Variants in DNM3 observed in about 807,000 individuals in gnomAD.
DNM3 encodes dynamin-3.
In DNM3, 47 loss-of-function variants were observed where a neutral mutation model predicts 101.6. The observed-to-expected ratio is 0.46, with a 90% CI of 0.37 to 0.59. The LOEUF is 0.59. DNM3 is among the 20% of genes least tolerant of loss of function. The pLI is 0.00. For synonymous variants in DNM3, 385 were observed against 387.9 expected (o/e 0.99, Z 0.09); for missense variants, 849 against 1,085.7 (o/e 0.78, Z 3.06).
At chr1:172,007,236 T>G (rs1337114138) in intron 4 of DNM3, among the ~76,000 whole-genome samples, 2 of 152,098 alleles carry the variant, frequency 1.3e-5, no homozygotes, top group Non-Finnish European at 2.9e-5. Context: ...TCCAAAATGG[T>G]TGTACAATTT....
Position 172,006,738 on chromosome 1 carries a change from A to G in DNM3, c.589+17590A>G, listed in dbSNP as rs116220312. Among the ~76,000 whole-genome samples the G allele has an allele frequency of 6.1e-3, 930 of 152,106 alleles. 18 individuals carry two copies. Among genetic ancestry groups the G allele is most frequent in the African/African-American group, 0.021 (880 of 41,532 alleles). ...TGTAAAGTTTGATGAGCTTTGACAA[A>G]TGTCAACCCATGTACCAGAACATTT... On this transcript the variant is annotated intron_variant, in intron 4 of 20. Coordinates refer to ENST00000627582, the MANE Select transcript of DNM3 (RefSeq NM_015569.5).
chr1:171,957,584 A>T (rs1294577402), intron 2 of DNM3, among the ~76,000 whole-genome samples: 2 of 152,162 alleles, frequency 1.3e-5, no homozygotes, highest in Non-Finnish European at 2.9e-5. Context: ...GAATGCTTTT[A>T]ATAGCACCCA....
intron 12 of DNM3, among the ~76,000 whole-genome samples, chr1:172,088,864 G>A (rs2053714346): frequency 1.3e-5 from 2 of 152,198 alleles, no homozygotes; most frequent in Non-Finnish European, 2.9e-5. Context: ...GTGCAAAAAA[G>A]TTTTGAGCCA....
At chr1:172,055,930 C>G (rs987731650) in intron 10 of DNM3, among the ~76,000 whole-genome samples, 26 of 152,120 alleles carry the variant, frequency 1.7e-4, no homozygotes, top group African/African-American at 6.3e-4. Context: ...ATCTGAGGTA[C>G]CGGGTTCATC....
intron 2 of DNM3, among the ~76,000 whole-genome samples, chr1:171,927,851 C>A (rs1026588287): frequency 2.0e-5 from 3 of 152,180 alleles, no homozygotes; most frequent in East Asian, 1.9e-4. Flanking sequence ...TTTCAACCAG[C>A]CTAGCCTGGT....
At chr1:172,192,996 G>A (rs965782103) in intron 14 of DNM3, among the ~76,000 whole-genome samples, 2 of 151,390 alleles carry the variant, frequency 1.3e-5, no homozygotes, top group Non-Finnish European at 2.9e-5. Flanking sequence ...CCCACCAACA[G>A]TGTAAAAGTG....
At chr1:171,901,112 C>CAAAAAAAAAAAAAAAAA (rs1243053508) in intron 1 of DNM3, among the ~76,000 whole-genome samples, 1 of 66,742 alleles carries the variant, frequency 1.5e-5, no homozygotes, top group African/African-American at 6.3e-5. Flanking sequence ...GACTCTGTCT[C>CAAAAAAAAAAAAAAAAA]AAAAAAAAAA....
chr1:171,878,065 C>A (rs576701555), intron 1 of DNM3, among the ~76,000 whole-genome samples: 1 of 152,076 alleles, frequency 6.6e-6, no homozygotes, highest in Admixed American at 6.5e-5. Context: ...AAAAGTGATT[C>A]TGAGATAATT....
At chr1:172,151,734 A>G (rs1157709896) in intron 14 of DNM3, among the ~76,000 whole-genome samples, 2 of 152,140 alleles carry the variant, frequency 1.3e-5, no homozygotes, top group African/African-American at 4.8e-5. Flanking sequence ...GTCAACTACT[A>G]GGGCAGGTGC....
At chr1:172,300,502 G>A (rs2422077) in intron 15 of DNM3, among the ~76,000 whole-genome samples, 21,329 of 151,872 alleles carry the variant, frequency 0.14, 2,597 homozygotes, top group African/African-American at 0.33. Flanking sequence ...ATTTTCTTCT[G>A]AAGTTCCCCA....
At chr1:171,992,188 A>G (rs1325320728) in intron 4 of DNM3, among the ~76,000 whole-genome samples, 1 of 152,214 alleles carries the variant, frequency 6.6e-6, no homozygotes, top group Non-Finnish European at 1.5e-5. Context: ...TATTCATGCT[A>G]TATTTTACCC....
chr1:172,268,407 A>C (rs1345145394), intron 15 of DNM3, among the ~76,000 whole-genome samples: 1 of 152,012 alleles, frequency 6.6e-6, no homozygotes, highest in African/African-American at 2.4e-5. Context: ...TTGTTGTCAT[A>C]TGGTTCTGAT....
At chr1:172,278,616 T>A (rs1031917135) in intron 15 of DNM3, among the ~76,000 whole-genome samples, 1 of 152,140 alleles carries the variant, frequency 6.6e-6, no homozygotes, top group Non-Finnish European at 1.5e-5. Context: ...AGAAGGCAAG[T>A]GTGTGATTCA....
chr1:171,976,866 C>T (rs775411010), intron 2 of DNM3, among the ~76,000 whole-genome samples: 2 of 152,086 alleles, frequency 1.3e-5, no homozygotes, highest in Non-Finnish European at 2.9e-5. Context: ...CTACTTAAAT[C>T]TCATTTATAA....
chr1:172,304,152 A>C (rs577953559), intron 15 of DNM3, among the ~76,000 whole-genome samples: 1 of 149,342 alleles, frequency 6.7e-6, no homozygotes, highest in Non-Finnish European at 1.5e-5. Context: ...ATGCAGAGAC[A>C]CACATAGGCT....
At chr1:172,065,704 C>T (rs1049142684) in intron 10 of DNM3, among the ~76,000 whole-genome samples, 2 of 152,112 alleles carry the variant, frequency 1.3e-5, no homozygotes, top group African/African-American at 4.8e-5. Flanking sequence ...AATCGAGGAC[C>T]TCATGGAGAC....
At chr1:172,016,086 C>T (rs1039685991) in intron 4 of DNM3, among the ~76,000 whole-genome samples, 6 of 150,826 alleles carry the variant, frequency 4.0e-5, no homozygotes, top group Non-Finnish European at 5.9e-5. Flanking sequence ...ACTTGGGAGG[C>T]TGAGGCAGGA....
intron 12 of DNM3, among the ~76,000 whole-genome samples, chr1:172,086,446 A>G (rs2053537332): frequency 6.6e-6 from 1 of 152,226 alleles, no homozygotes; most frequent in Non-Finnish European, 1.5e-5. Flanking sequence ...CCATTGCACA[A>G]TAGAACTTTC....
At chr1:172,109,439 G>GA (rs1214351207) in intron 13 of DNM3, among the ~76,000 whole-genome samples, 1 of 152,156 alleles carries the variant, frequency 6.6e-6, no homozygotes, top group Non-Finnish European at 1.5e-5. Context: ...CTGGAGGAAG[G>GA]AACCATGTCA....
Sources: allele counts gnomAD v4.1 joint callset (sites outside exome capture counted in the v4.1 genomes callset), GRCh38; gene constraint gnomAD v4.1.1; transcripts MANE v1.5; gene names NCBI Gene and HGNC (gene_info 2026-07-23, HGNC 2026-07-21).